The following GLIS3 variants were observed in gnomAD, a reference collection of about 807,000 sequenced individuals.
GLIS3 encodes zinc finger protein GLIS3.
In GLIS3, 53 loss-of-function variants were observed where a neutral mutation model predicts 78.6. The ratio of observed to expected loss-of-function variants is 0.67; its 90% CI spans 0.54 to 0.85. GLIS3 has a LOEUF of 0.85. Ranked by LOEUF, GLIS3 falls within the 40% of genes least tolerant of loss-of-function variation. GLIS3 has a pLI of 0.00. For synonymous variants in GLIS3, 684 were observed against 509.9 expected, an observed-to-expected ratio of 1.34 and a Z score of -4.60; for missense variants, 1,703 against 1,231.1, an observed-to-expected ratio of 1.38 and a Z score of -5.74.
At chr9:3,960,961 T>C (rs1427401616) in intron 4 of GLIS3, among the ~76,000 whole-genome samples, 1 of 152,220 alleles carries the variant, frequency 6.6e-6, no homozygotes, top group East Asian at 1.9e-4. Context: ...CTTTGCTGAA[T>C]GGTGTAATTG....
chr9:3,860,909 A>G (rs930977744), intron 8 of GLIS3, among the ~76,000 whole-genome samples: 1 of 152,200 alleles, frequency 6.6e-6, no homozygotes, highest in Admixed American at 6.5e-5. Flanking sequence ...TATTTTAGTA[A>G]GGGGAGACAG....
intron 2 of GLIS3, among the ~76,000 whole-genome samples, chr9:4,242,508 T>C (rs1405545934): frequency 6.6e-6 from 1 of 152,184 alleles, no homozygotes; most frequent in African/African-American, 2.4e-5. Flanking sequence ...TCCGGCTACC[T>C]GCTGGGCATG....
intron 4 of GLIS3, among the ~76,000 whole-genome samples, chr9:4,102,338 T>G (rs1830432684): frequency 6.6e-6 from 1 of 152,180 alleles, no homozygotes; most frequent in South Asian, 2.1e-4. Context: ...CTAAGCGAAG[T>G]GGTTTTTTAA....
chr9:4,113,619 A>G (rs529785643), intron 4 of GLIS3, among the ~76,000 whole-genome samples: 2 of 152,342 alleles, frequency 1.3e-5, no homozygotes, highest in South Asian at 4.1e-4. Context: ...GAGTCTTATC[A>G]GAATAAAAGC....
upstream of GLIS3, among the ~76,000 whole-genome samples, chr9:4,351,907 T>C (rs2130602140): frequency 6.6e-6 from 1 of 152,164 alleles, no homozygotes; most frequent in Admixed American, 6.5e-5. Flanking sequence ...TGGAGAAAAA[T>C]ATAAAACTAG....
At chr9:4,202,152 CTTTT>C (rs71324286) in intron 2 of GLIS3, among the ~76,000 whole-genome samples, 1 of 125,438 alleles carries the variant, frequency 8.0e-6, no homozygotes, top group Non-Finnish European at 1.6e-5. Context: ...CCCCCTTTTT[CTTTT>C]TTTTTTTTTT....
At chr9:4,403,540 G>A in the GLIS3 span, among the ~76,000 whole-genome samples, 3 of 152,100 alleles carry the variant, frequency 2.0e-5, no homozygotes, top group Non-Finnish European at 2.9e-5. Context: ...AAAACAAAGA[G>A]AAGCTACAAA....
chr9:4,098,515 C>A (rs1423787409), intron 4 of GLIS3, among the ~76,000 whole-genome samples: 1 of 152,164 alleles, frequency 6.6e-6, no homozygotes, highest in Non-Finnish European at 1.5e-5. Context: ...GCAGCAGAAT[C>A]CAGTAAACAA....
At chr9:4,325,776 G>C (rs1383942463) in intron 2 of GLIS3, among the ~76,000 whole-genome samples, 1 of 151,928 alleles carries the variant, frequency 6.6e-6, no homozygotes. Context: ...AGAAATAAAG[G>C]ATAAAAAGAT....
upstream of GLIS3, among the ~76,000 whole-genome samples, chr9:4,303,693 A>G (rs904640284): frequency 2.6e-5 from 4 of 152,212 alleles, no homozygotes; most frequent in South Asian, 2.1e-4. Flanking sequence ...ACTCCATACA[A>G]TATCTCTCAA....
chr9:4,357,442 G>C, the GLIS3 span, among the ~76,000 whole-genome samples: 3 of 152,120 alleles, frequency 2.0e-5, no homozygotes, highest in African/African-American at 4.8e-5. Context: ...TTACACTATC[G>C]CTCTCCTGCT....
In GLIS3 at chr9:3,870,789, A is replaced by T. The variant is rs557394981; in HGVS notation, c.2297+8638T>A. Reference sequence around the variant, plus strand: ...GATTTGGGTGAGGACACAGAGCCAAACCATATAATTCCACCCCTGGCCCAT... The same window carrying T: ...GATTTGGGTGAGGACACAGAGCCAATCCATATAATTCCACCCCTGGCCCAT... On this transcript the variant is annotated intron_variant, in intron 8 of 10. Transcript: ENST00000381971. 2.6e-5 allele frequency among the ~76,000 whole-genome samples: 4 copies of T among 152,332 alleles called. No homozygotes were observed. The South Asian group carries it at 6.2e-4, about 24-fold the overall frequency.
At chr9:3,987,350 C>T (rs1326683643) in intron 4 of GLIS3, among the ~76,000 whole-genome samples, 1 of 151,952 alleles carries the variant, frequency 6.6e-6, no homozygotes, top group Non-Finnish European at 1.5e-5. Context: ...AAAGACCCAA[C>T]ATTTGTATCA....
the GLIS3 span, among the ~76,000 whole-genome samples, chr9:4,446,150 G>C: frequency 1.3e-5 from 2 of 152,300 alleles, no homozygotes; most frequent in Non-Finnish European, 2.9e-5. Flanking sequence ...GTCTGAATGT[G>C]TCCCTCCAAA....
intron 2 of GLIS3, among the ~76,000 whole-genome samples, chr9:4,234,309 G>A (rs1028655093): frequency 1.3e-5 from 2 of 152,160 alleles, no homozygotes; most frequent in Non-Finnish European, 1.5e-5. Context: ...AGATATGTGC[G>A]ACTCCTCCTT....
At chr9:4,455,983 G>T in the GLIS3 span, among the ~76,000 whole-genome samples, 2 of 151,982 alleles carry the variant, frequency 1.3e-5, no homozygotes, top group Non-Finnish European at 2.9e-5. Flanking sequence ...GTGTGGTGTT[G>T]CACACTCCTA....
At chr9:3,838,664 C>G (rs1310071535) in intron 9 of GLIS3, among the ~76,000 whole-genome samples, 1 of 152,112 alleles carries the variant, frequency 6.6e-6, no homozygotes, top group Non-Finnish European at 1.5e-5. Context: ...GGTTAAAGCT[C>G]TCAATCACTA....
At chr9:4,361,250 G>C in the GLIS3 span, among the ~76,000 whole-genome samples, 1 of 152,172 alleles carries the variant, frequency 6.6e-6, no homozygotes, top group Non-Finnish European at 1.5e-5. Flanking sequence ...GTGGATGTAA[G>C]GCAGTACCAA....
chr9:4,061,359 T>G (rs934581435), intron 4 of GLIS3, among the ~76,000 whole-genome samples: 2 of 152,084 alleles, frequency 1.3e-5, no homozygotes, highest in Non-Finnish European at 2.9e-5. Flanking sequence ...AATGATGGTT[T>G]CCAGCTTCAT....
Sources: allele counts gnomAD v4.1 joint callset (sites outside exome capture counted in the v4.1 genomes callset), GRCh38; gene constraint gnomAD v4.1.1; transcripts MANE v1.5; gene names NCBI Gene and HGNC (gene_info 2026-07-23, HGNC 2026-07-21).